CDH13: variants seen among roughly 807,000 people sequenced by gnomAD.
CDH13 encodes cadherin 13, also known as cadherin-13.
Under a neutral mutation model 63.8 loss-of-function variants are expected in CDH13, and 24 were observed. That is an observed-to-expected ratio of 0.38 (90% confidence interval 0.27 to 0.53). The LOEUF (loss-of-function observed/expected upper bound fraction) is 0.53. Ranked by LOEUF, CDH13 falls within the 20% of genes least tolerant of loss-of-function variation. The pLI is 0.85. For synonymous variants in CDH13, 503 were observed against 355.3 expected (o/e 1.42, Z -4.67); for missense variants, 1,049 against 903.1 (o/e 1.16, Z -2.07).
rs966486395 is a variant in CDH13 at position 82,772,979 on chromosome 16, G to A, written c.46-85383G>A. 2.6e-4 allele frequency among the ~76,000 whole-genome samples: 39 copies of A among 152,160 alleles called. 1 individual carries two copies. Among genetic ancestry groups the A allele is most frequent in the African/African-American group, 9.1e-4 (38 of 41,540 alleles). ...TATAGGCTTAACCATCTGGTTATCA[G>A]GAAAAAAAACCATGTAGAGAGCGCA... is the stretch of plus-strand genomic sequence containing the variant. On this transcript the variant is annotated intron_variant, in intron 1 of 13. Transcript: ENST00000567109.
intron 4 of CDH13, among the ~76,000 whole-genome samples, chr16:83,148,454 C>CA (rs2036843497): frequency 6.6e-6 from 1 of 152,194 alleles, no homozygotes; most frequent in Non-Finnish European, 1.5e-5. Context: ...TCTGTGGAGT[C>CA]AGACTGCAAG....
In CDH13 at chr16:83,485,210, A is replaced by G. The variant is rs549643682; in HGVS notation, c.782-1267A>G. 1.6e-4 allele frequency among the ~76,000 whole-genome samples: 25 copies of G among 152,340 alleles called. No individual in the cohort carries two copies. In the South Asian group the frequency reaches 5.2e-3, roughly 32 times the overall value. On this transcript the variant is annotated intron_variant, in intron 6 of 13. Coordinates refer to ENST00000567109, the MANE Select transcript of CDH13 (RefSeq NM_001257.5). The stretch of plus-strand genomic sequence containing the variant: ...TTTCACCTTGACAGATAATTCAGCT[A>G]GAAATTTATTTGCACAGATCCCTTG...
At chr16:83,139,959 A>G (rs1171596881) in intron 4 of CDH13, among the ~76,000 whole-genome samples, 3 of 152,198 alleles carry the variant, frequency 2.0e-5, no homozygotes, top group African/African-American at 7.2e-5. Context: ...CCAAGATCAT[A>G]CCATTACACT....
At chr16:83,093,185 A>G (rs530196158) in intron 3 of CDH13, among the ~76,000 whole-genome samples, 2 of 148,990 alleles carry the variant, frequency 1.3e-5, no homozygotes, top group East Asian at 2.0e-4. Context: ...TTCCCTACTC[A>G]GTTTCTGTCT....
intron 1 of CDH13, among the ~76,000 whole-genome samples, chr16:82,672,708 TTG>T (rs1913398275): frequency 6.6e-6 from 1 of 151,930 alleles, no homozygotes. Flanking sequence ...ATAGAATTCC[TTG>T]TGACTTTCTT....
chr16:83,675,172 A>G (rs1474034160), intron 9 of CDH13, among the ~76,000 whole-genome samples: 1 of 152,198 alleles, frequency 6.6e-6, no homozygotes, highest in Non-Finnish European at 1.5e-5. Flanking sequence ...CAGACAAAGC[A>G]CATTAGTAAG....
chr16:83,364,922 G>C (rs1016398907), intron 6 of CDH13, among the ~76,000 whole-genome samples: 6 of 152,094 alleles, frequency 3.9e-5, no homozygotes, highest in African/African-American at 1.4e-4. Context: ...GTAGGTAAGC[G>C]GCAAAAGGAG....
intron 3 of CDH13, among the ~76,000 whole-genome samples, chr16:83,057,585 T>C (rs562369425): frequency 3.1e-5 from 3 of 98,120 alleles, no homozygotes; most frequent in East Asian, 6.9e-4. Context: ...CCACTTTCTA[T>C]TGTTAAAAAA....
intron 6 of CDH13, among the ~76,000 whole-genome samples, chr16:83,461,905 T>C (rs1437221710): frequency 6.6e-6 from 1 of 152,214 alleles, no homozygotes; most frequent in African/African-American, 2.4e-5. Context: ...AGCAGTGGCC[T>C]GCCTTGTAAG....
intron 1 of CDH13, among the ~76,000 whole-genome samples, chr16:82,733,990 CAG>C (rs1402094923): frequency 6.6e-6 from 1 of 151,920 alleles, no homozygotes; most frequent in Non-Finnish European, 1.5e-5. Flanking sequence ...GTAGAGAAAA[CAG>C]AGTATACCAG....
chr16:83,426,587 G>T (rs924095913), intron 6 of CDH13, among the ~76,000 whole-genome samples: 10 of 151,566 alleles, frequency 6.6e-5, no homozygotes, highest in Admixed American at 6.6e-5. Context: ...CTCCTGGACT[G>T]AACAGTCTAG....
intron 1 of CDH13, among the ~76,000 whole-genome samples, chr16:82,641,424 G>C (rs932111379): frequency 4.6e-5 from 7 of 152,188 alleles, no homozygotes; most frequent in Admixed American, 3.3e-4. Context: ...TTCCTCAGTA[G>C]AGCTAATGGT....
chr16:83,212,925 T>G (rs1483540505), intron 4 of CDH13, among the ~76,000 whole-genome samples: 1 of 152,222 alleles, frequency 6.6e-6, no homozygotes, highest in African/African-American at 2.4e-5. Flanking sequence ...GCAAGGCCCC[T>G]ACTGGAAGTG....
At chr16:83,291,042 A>T (rs1402222529) in intron 5 of CDH13, among the ~76,000 whole-genome samples, 1 of 152,172 alleles carries the variant, frequency 6.6e-6, no homozygotes, top group Non-Finnish European at 1.5e-5. Flanking sequence ...TAAAGGTCTT[A>T]TCAAATGGTA....
chr16:83,133,724 C>T (rs2036156028), intron 4 of CDH13, among the ~76,000 whole-genome samples: 1 of 152,212 alleles, frequency 6.6e-6, no homozygotes, highest in African/African-American at 2.4e-5. Context: ...GTCTCAAACT[C>T]CTGGCCTCAA....
chr16:83,434,790 G>T (rs1007010809), intron 6 of CDH13, among the ~76,000 whole-genome samples: 1 of 146,398 alleles, frequency 6.8e-6, no homozygotes, highest in African/African-American at 2.5e-5. Flanking sequence ...TTTCTCTCTT[G>T]GACTCTTTCA....
intron 3 of CDH13, among the ~76,000 whole-genome samples, chr16:83,084,124 G>A (rs530055726): frequency 2.0e-5 from 3 of 152,292 alleles, no homozygotes; most frequent in African/African-American, 7.2e-5. Flanking sequence ...GGATGTTATA[G>A]GTAGCGCTCT....
At chr16:82,718,969 G>T (rs1192684817) in intron 1 of CDH13, among the ~76,000 whole-genome samples, 1 of 152,158 alleles carries the variant, frequency 6.6e-6, no homozygotes, top group Non-Finnish European at 1.5e-5. Context: ...GATGCATGTG[G>T]TCCGTATCTG....
intron 5 of CDH13, among the ~76,000 whole-genome samples, chr16:83,286,796 A>G (rs1298783154): frequency 2.1e-5 from 3 of 146,202 alleles, no homozygotes; most frequent in Non-Finnish European, 4.6e-5. Flanking sequence ...ATATATATAT[A>G]CACACACACA....
Sources: allele counts gnomAD v4.1 joint callset (sites outside exome capture counted in the v4.1 genomes callset), GRCh38; gene constraint gnomAD v4.1.1; transcripts MANE v1.5; gene names NCBI Gene and HGNC (gene_info 2026-07-23, HGNC 2026-07-21).